KCNJ6: variants seen among roughly 807,000 people sequenced by gnomAD.
The protein encoded by KCNJ6 is G protein-activated inward rectifier potassium channel 2.
Under a neutral mutation model 34.2 loss-of-function variants are expected in KCNJ6, and 9 were observed. The ratio of observed to expected loss-of-function variants is 0.26; its 90% CI spans 0.16 to 0.46. The LOEUF is 0.46. Ranked by LOEUF, KCNJ6 falls within the 20% of genes least tolerant of loss-of-function variation. The pLI is 1.00. For missense variants in KCNJ6, 236 were observed against 531.3 expected (o/e 0.44, Z 5.46); for synonymous variants, 196 against 207.1 (o/e 0.95, Z 0.46).
At chr21:37,710,528 G>A (rs1313038609) in intron 3 of KCNJ6, among the ~76,000 whole-genome samples, 1 of 152,186 alleles carries the variant, frequency 6.6e-6, no homozygotes, top group Non-Finnish European at 1.5e-5. Context: ...GGCTTAACGG[G>A]GACTCATCCT....
At chr21:37,659,254 T>C (rs1333242206) in intron 3 of KCNJ6, among the ~76,000 whole-genome samples, 1 of 152,202 alleles carries the variant, frequency 6.6e-6, no homozygotes, top group Non-Finnish European at 1.5e-5. Context: ...GATGTGTCAC[T>C]GTGAGGCTGC....
intron 1 of KCNJ6, among the ~76,000 whole-genome samples, chr21:37,871,284 T>C (rs1386558643): frequency 6.6e-6 from 1 of 152,176 alleles, no homozygotes; most frequent in East Asian, 1.9e-4. Flanking sequence ...TGAACATGTG[T>C]TGTGTCCACT....
chr21:37,761,771 G>A (rs1160646059), intron 2 of KCNJ6, among the ~76,000 whole-genome samples: 2 of 151,862 alleles, frequency 1.3e-5, no homozygotes, highest in Non-Finnish European at 2.9e-5. Flanking sequence ...TTGTGTGTAT[G>A]TAGTGTGTGT....
chr21:37,847,167 A>G (rs1207928758), intron 1 of KCNJ6, among the ~76,000 whole-genome samples: 1 of 152,248 alleles, frequency 6.6e-6, no homozygotes, highest in Admixed American at 6.5e-5. Context: ...ATGAAAATAT[A>G]TAAAAATAGT....
chr21:37,829,974 G>A (rs1601491322), intron 2 of KCNJ6, among the ~76,000 whole-genome samples: 1 of 152,202 alleles, frequency 6.6e-6, no homozygotes, highest in African/African-American at 2.4e-5. Flanking sequence ...CTCGTTCCAT[G>A]TTCTGGGAGA....
chr21:37,839,304 T>A (rs999748047), intron 2 of KCNJ6, among the ~76,000 whole-genome samples: 1 of 152,198 alleles, frequency 6.6e-6, no homozygotes, highest in Admixed American at 6.5e-5. Context: ...GGGGTGTCAG[T>A]GCTGAAGGGA....
At chr21:37,628,985 C>T (rs767697550) in intron 3 of KCNJ6, among the ~76,000 whole-genome samples, 22 of 152,006 alleles carry the variant, frequency 1.4e-4, no homozygotes, top group Non-Finnish European at 2.5e-4. Flanking sequence ...ATTCCATGAA[C>T]AAAAATGGAG....
chr21:37,637,577 T>A (rs759025450), intron 3 of KCNJ6, among the ~76,000 whole-genome samples: 75 of 152,284 alleles, frequency 4.9e-4, no homozygotes, highest in Non-Finnish European at 8.8e-4. Context: ...CCTGAAACAG[T>A]CTTCTCAGAC....
intron 1 of KCNJ6, among the ~76,000 whole-genome samples, chr21:37,847,366 G>A (rs997033140): frequency 1.4e-5 from 2 of 147,118 alleles, no homozygotes; most frequent in African/African-American, 5.1e-5. Flanking sequence ...GTAGAGTTGA[G>A]CATGAAACCC....
At chr21:37,665,294 TTCCCAAGAGAGCC>T (rs1323078553) in intron 3 of KCNJ6, among the ~76,000 whole-genome samples, 4 of 152,188 alleles carry the variant, frequency 2.6e-5, no homozygotes, top group Non-Finnish European at 4.4e-5. Flanking sequence ...TTATTGATGG[TTCCCAAGAGAGCC>T]TCCCTGGCAA....
chr21:37,724,024 T>G (rs2123461121), intron 2 of KCNJ6, among the ~76,000 whole-genome samples: 2 of 152,132 alleles, frequency 1.3e-5, no homozygotes, highest in Middle Eastern at 3.4e-3. Context: ...GATTCTGCAC[T>G]GCTGGTATGC....
At chr21:37,889,855 C>A (rs1043886514) in intron 1 of KCNJ6, among the ~76,000 whole-genome samples, 5 of 152,208 alleles carry the variant, frequency 3.3e-5, no homozygotes, top group African/African-American at 7.2e-5. Context: ...ACCCTAATGA[C>A]CTCATCTTAA....
At chr21:37,853,085 A>C (rs1027544254) in intron 1 of KCNJ6, among the ~76,000 whole-genome samples, 1 of 151,886 alleles carries the variant, frequency 6.6e-6, no homozygotes, top group African/African-American at 2.4e-5. Context: ...GGAGGAGAAG[A>C]AAAAGAAGAT....
chr21:37,832,554 G>C (rs1277294482), intron 2 of KCNJ6, among the ~76,000 whole-genome samples: 1 of 152,088 alleles, frequency 6.6e-6, no homozygotes, highest in African/African-American at 2.4e-5. Flanking sequence ...CTTGGTTGCT[G>C]GGACCCAGGC....
chr21:37,660,988 A>G lies in KCNJ6; in HGVS notation c.947-35504T>C, dbSNP rs117023905. On this transcript the variant is annotated intron_variant, in intron 3 of 3. Transcript: ENST00000609713. ...GTAAGATAGTGTCTTAGTTTCTTCA[A>G]CATTTACAGGGAAAACACTTTCATG... Among the ~76,000 whole-genome samples the G allele has an allele frequency of 5.2e-3, 794 of 152,386 alleles. 3 individuals carry two copies. The highest frequency in any genetic ancestry group is 0.034 in the Middle Eastern group (10 of 294).
intron 2 of KCNJ6, among the ~76,000 whole-genome samples, chr21:37,799,615 A>G (rs1182071699): frequency 1.3e-5 from 2 of 152,206 alleles, no homozygotes; most frequent in Admixed American, 1.3e-4. Flanking sequence ...TGTGTGAATA[A>G]ATCAGATATT....
At chr21:37,713,763 A>T (rs1569450494) in intron 3 of KCNJ6, among the ~76,000 whole-genome samples, 1 of 152,184 alleles carries the variant, frequency 6.6e-6, no homozygotes, top group Non-Finnish European at 1.5e-5. Context: ...AGGCCTTATA[A>T]ATGACTCTCA....
chr21:37,626,577 G>A (rs752837351), intron 3 of KCNJ6, among the ~76,000 whole-genome samples: 7 of 152,096 alleles, frequency 4.6e-5, no homozygotes, highest in Non-Finnish European at 8.8e-5. Flanking sequence ...CCACCTCCTT[G>A]GAAAATAAAA....
intron 1 of KCNJ6, among the ~76,000 whole-genome samples, chr21:37,905,850 A>C (rs769623348): frequency 1.3e-5 from 2 of 152,226 alleles, no homozygotes; most frequent in Non-Finnish European, 2.9e-5. Flanking sequence ...AAGCTAAGAC[A>C]ATTCTGGACA....
Sources: gnomAD v4.1 joint callset for allele counts (sites outside exome capture counted in the v4.1 genomes callset) on GRCh38, gnomAD v4.1.1 for gene constraint, MANE v1.5 for transcripts, NCBI Gene and HGNC (gene_info 2026-07-23, HGNC 2026-07-21) for gene names.